Variants in ARMC2 observed in about 807,000 individuals in gnomAD.
The protein encoded by ARMC2 is armadillo repeat-containing protein 2.
Under a neutral mutation model 90.3 loss-of-function variants are expected in ARMC2, and 67 were observed. The observed-to-expected ratio is 0.74, with a 90% CI of 0.61 to 0.91. The LOEUF is 0.91. Among genes scored for constraint, ARMC2 ranks in the 40% least tolerant of loss-of-function variants. ARMC2 has a pLI of 0.00. For synonymous variants in ARMC2, 393 were observed against 393.0 expected (o/e 1.00, Z 0.00); for missense variants, 920 against 1,030.9 (o/e 0.89, Z 1.47).
chr6:108,958,044 C>G lies in ARMC2; in HGVS notation c.1916-3528C>G, dbSNP rs145270069. On this transcript the variant is annotated intron_variant, in intron 13 of 17. Transcript: ENST00000392644. ...TTGAACTTCTCTAAACCTCAGTGTTCTCATCTGACCCCTAAATTCATCTAT... is the reference window on the plus strand; with the variant it reads ...TTGAACTTCTCTAAACCTCAGTGTTGTCATCTGACCCCTAAATTCATCTAT... 9.8e-4 allele frequency among the ~76,000 whole-genome samples: 149 copies of G among 152,288 alleles called. 1 individual carries two copies. The South Asian group carries it at 0.015, about 15-fold the overall frequency.
At chr6:108,940,201 G>T (rs1337517823) in intron 12 of ARMC2, among the ~76,000 whole-genome samples, 1 of 152,234 alleles carries the variant, frequency 6.6e-6, no homozygotes, top group African/African-American at 2.4e-5. Flanking sequence ...GGGAGGCAGA[G>T]GCTGCAGTGA....
the ARMC2 span, chr6:108,998,780 A>G: frequency 3.1e-6 from 5 of 1,588,438 alleles, no homozygotes; most frequent in East Asian, 2.2e-5. Flanking sequence ...AAAAAAGAAT[A>G]TATTTTTGTA....
intron 10 of ARMC2, among the ~76,000 whole-genome samples, chr6:108,915,696 CTAGAG>C (rs1773892247): frequency 6.6e-6 from 1 of 152,004 alleles, no homozygotes; most frequent in Non-Finnish European, 1.5e-5. Context: ...GTAGGGCTGT[CTAGAG>C]TAGAGATTCT....
chr6:108,851,158 C>A (rs1233937718), intron 1 of ARMC2, among the ~76,000 whole-genome samples: 1 of 151,958 alleles, frequency 6.6e-6, no homozygotes, highest in Non-Finnish European at 1.5e-5. Context: ...TCAGAGTTCC[C>A]TCTTGTCCAC....
Position 108,910,918 on chromosome 6 carries a change from A to C in ARMC2, c.1043A>C (p.Asn348Thr). Residue 348 changes from asparagine to threonine, a missense_variant, in exon 9 of 18, where the codon AAT becomes ACT. By Grantham distance (65) the Asn-to-Thr change is moderately conservative. Transcript: ENST00000392644. ...IILALKVSRK[N>T]LLNVCKLIFK... ...CTGCAGCTTAAAGTGAGTAGAAAGA[A>C]TCTTCTTAATGTCTGCAAACTTATA... 1.3e-6 allele frequency: 2 copies of C among 1,560,076 alleles called. No homozygotes were observed. The highest frequency in any genetic ancestry group is 1.7e-6 in the Non-Finnish European group (2 of 1,148,004).
chr6:108,867,333 C>T (rs1442003402), intron 3 of ARMC2, among the ~76,000 whole-genome samples: 4 of 151,946 alleles, frequency 2.6e-5, no homozygotes, highest in East Asian at 1.9e-4. Context: ...GAACTTGGTG[C>T]AGGTGTTTTT....
the ARMC2 span, among the ~76,000 whole-genome samples, chr6:108,989,487 C>A: frequency 7.3e-6 from 1 of 137,760 alleles, no homozygotes; most frequent in Admixed American, 7.1e-5. Flanking sequence ...GTATATATAT[C>A]TCTAGATCTA....
chr6:108,896,955 T>A (rs1411180525), intron 6 of ARMC2, among the ~76,000 whole-genome samples: 1 of 152,244 alleles, frequency 6.6e-6, no homozygotes, highest in Non-Finnish European at 1.5e-5. Flanking sequence ...TTGATTTTAT[T>A]TTATTTTTTA....
chr6:108,876,472 A>C, intron 5 of ARMC2, 122 bp downstream of exon 5: 1 of 952,038 alleles, frequency 1.1e-6, no homozygotes, highest in South Asian at 1.6e-5. Context: ...TTTTATGTTA[A>C]GGGTACATGA....
the ARMC2 span, among the ~76,000 whole-genome samples, chr6:109,027,518 A>C: frequency 1.1e-4 from 16 of 151,388 alleles, no homozygotes; most frequent in African/African-American, 3.9e-4. Flanking sequence ...ATCTTCACCA[A>C]TGCTCAGCAT....
At chr6:108,953,591 G>A (rs575819685) in intron 13 of ARMC2, among the ~76,000 whole-genome samples, 5 of 152,214 alleles carry the variant, frequency 3.3e-5, no homozygotes, top group African/African-American at 9.6e-5. Context: ...CCACCAAATC[G>A]TACACTTTAA....
chr6:108,887,562 T>G (rs1770490147), intron 5 of ARMC2, among the ~76,000 whole-genome samples: 1 of 152,200 alleles, frequency 6.6e-6, no homozygotes, highest in Admixed American at 6.5e-5. Context: ...GCCAAAGGCC[T>G]GATTGCACCA....
Position 108,918,984 on chromosome 6 carries a change from T to C in ARMC2, c.1350+6426T>C, listed in dbSNP as rs572607306. On this transcript the variant is annotated intron_variant, in intron 10 of 17. Coordinates refer to ENST00000392644, the MANE Select transcript of ARMC2 (RefSeq NM_032131.6). ...ACTTTCAAATATTTAATCTTTTTGT[T>C]CGGGCTTTGATAAGCAATGTAGAGA... 2.0e-5 allele frequency among the ~76,000 whole-genome samples: 3 copies of C among 152,350 alleles called. No homozygotes were observed. The South Asian group carries it at 6.2e-4, about 32-fold the overall frequency.
intron 13 of ARMC2, among the ~76,000 whole-genome samples, chr6:108,956,003 T>C (rs1228277889): frequency 6.6e-6 from 1 of 152,214 alleles, no homozygotes; most frequent in African/African-American, 2.4e-5. Flanking sequence ...AATGCCTCCT[T>C]TGCCCCCAGG....
At chr6:109,009,708 C>A in the ARMC2 span, among the ~76,000 whole-genome samples, 1 of 152,050 alleles carries the variant, frequency 6.6e-6, no homozygotes, top group Non-Finnish European at 1.5e-5. Context: ...CGGTCTGACG[C>A]GGCGAGGTGA....
At chr6:108,987,551 A>G in the ARMC2 span, 2 of 1,578,184 alleles carry the variant, frequency 1.3e-6, no homozygotes, top group Non-Finnish European at 1.7e-6. Context: ...GCATCAGGTC[A>G]TATAGCGGGT....
At chr6:108,994,403 C>T in the ARMC2 span, 1 of 1,383,798 alleles carries the variant, frequency 7.2e-7, no homozygotes, top group Non-Finnish European at 1.0e-6. Flanking sequence ...TATTTAAATT[C>T]TCTAAATAAA....
At chr6:108,989,577 CTA>C in the ARMC2 span, among the ~76,000 whole-genome samples, 1 of 148,588 alleles carries the variant, frequency 6.7e-6, no homozygotes, top group Admixed American at 6.7e-5. Flanking sequence ...CTAGAGATAT[CTA>C]TATATAGAGA....
chr6:108,887,868 A>G (rs546590755), intron 5 of ARMC2, among the ~76,000 whole-genome samples: 1 of 152,334 alleles, frequency 6.6e-6, no homozygotes, highest in East Asian at 1.9e-4. Flanking sequence ...TCAAGATCCA[A>G]AAACATCTGA....
Sources: gnomAD v4.1 joint callset for allele counts (sites outside exome capture counted in the v4.1 genomes callset) on GRCh38, gnomAD v4.1.1 for gene constraint, MANE v1.5 for transcripts, NCBI Gene and HGNC (gene_info 2026-07-23, HGNC 2026-07-21) for gene names.